Variants in CHD6 observed in about 807,000 individuals in gnomAD.
CHD6 encodes chromodomain helicase DNA binding protein 6.
A neutral mutation model predicts 276.9 loss-of-function variants in CHD6; 50 were observed. The ratio of observed to expected loss-of-function variants is 0.18; its 90% CI spans 0.14 to 0.23. CHD6 has a LOEUF of 0.23. CHD6 is among the 10% of genes least tolerant of loss of function. CHD6 has a pLI of 1.00. For missense variants in CHD6, 2,564 were observed against 3,365.8 expected (o/e 0.76, Z 5.89); for synonymous variants, 1,173 against 1,229.3 (o/e 0.95, Z 0.96).
intron 20 of CHD6, among the ~76,000 whole-genome samples, chr20:41,454,231 A>C (rs2048322889): frequency 6.6e-6 from 1 of 152,240 alleles, no homozygotes; most frequent in Non-Finnish European, 1.5e-5. Flanking sequence ...GAAAGAATGG[A>C]GGTAAAGCCA....
At chr20:41,442,238 C>A (rs1003766534) in intron 25 of CHD6, among the ~76,000 whole-genome samples, 5 of 151,576 alleles carry the variant, frequency 3.3e-5, no homozygotes, top group Admixed American at 1.3e-4. Context: ...TCCAGGAGTT[C>A]GAGCCCAGCC....
At chr20:41,618,174 G>C (rs1488622214) in intron 1 of CHD6, among the ~76,000 whole-genome samples, 166 bp downstream of exon 1, 2 of 150,774 alleles carry the variant, frequency 1.3e-5, no homozygotes, top group African/African-American at 4.8e-5. Context: ...CGCCGGCCCC[G>C]CTCGGACCCC....
chr20:41,514,550 T>A (rs1372138244), intron 4 of CHD6, among the ~76,000 whole-genome samples: 1 of 152,034 alleles, frequency 6.6e-6, no homozygotes, highest in Non-Finnish European at 1.5e-5. Flanking sequence ...CCACATCAAC[T>A]CCCTCTGCAG....
intron 2 of CHD6, chr20:41,547,684 C>G: frequency 1.4e-6 from 1 of 722,658 alleles, no homozygotes; most frequent in East Asian, 4.2e-5. Context: ...CTCAAGGAAC[C>G]ACCAATAGAC....
rs148375257 is a variant in CHD6 at position 41,446,905 on chromosome 20, C to A, written c.3773+977G>T. On this transcript the variant is annotated intron_variant, in intron 24 of 36. Transcript: ENST00000373233. ...ACCTATGACTTCCTACACATGACAG[C>A]GGTAAGTTCAGAGTACTTCTGCCAG... Among the ~76,000 whole-genome samples, 415 of 152,296 alleles carry A rather than the reference C, an allele frequency of 2.7e-3. 2 individuals carry two copies. The highest frequency in any genetic ancestry group is 0.024 in the Middle Eastern group (7 of 294).
Position 41,454,546 on chromosome 20 carries a change from T to G in CHD6, c.3120+80A>C, listed in dbSNP as rs540373004. 3 of 1,067,878 alleles carry G rather than the reference T, an allele frequency of 2.8e-6. No individual in the cohort carries two copies. In the East Asian group the frequency reaches 7.2e-5, roughly 26 times the overall value. 66.2% of individuals were successfully genotyped at this position (1,067,878 alleles called of 1,614,324 possible). A position where few individuals can be genotyped will look rare whatever the true frequency, so the allele number is the denominator to read the frequency against. ...AGAACCAAGACTCAAGAGTAAATAA[T>G]GACTTGAGCTGTGTAGGAATTTATT... On this transcript the variant is annotated intron_variant, in intron 20 of 36. Coordinates refer to ENST00000373233, the MANE Select transcript of CHD6 (RefSeq NM_032221.5).
intron 1 of CHD6, among the ~76,000 whole-genome samples, chr20:41,573,175 C>T (rs6072429): frequency 6.6e-6 from 1 of 152,168 alleles, no homozygotes; most frequent in African/African-American, 2.4e-5. Flanking sequence ...TCCCAAAGTG[C>T]TGGGATTACA....
At chr20:41,406,623 C>T (rs867035070) in intron 36 of CHD6, among the ~76,000 whole-genome samples, 3 of 152,334 alleles carry the variant, frequency 2.0e-5, no homozygotes, top group African/African-American at 2.4e-5. Context: ...ACTGCAATTA[C>T]GATGGATCTT....
chr20:41,487,713 T>C lies in CHD6; in HGVS notation c.1953A>G (p.Ser651=), dbSNP rs1422283167. 1.2e-6 allele frequency: 2 copies of C among 1,612,082 alleles called. No homozygotes were observed. The highest frequency in any genetic ancestry group is 4.5e-5 in the East Asian group (2 of 44,850). The change falls in exon 14 of 37, where the codon TCA becomes TCG. Residue 651 remains serine, a synonymous_variant. Coordinates refer to ENST00000373233, the MANE Select transcript of CHD6 (RefSeq NM_032221.5). The part of the protein sequence containing the change: ...LNFLEPSQFP[S]ETAFLEEFGD... Reference sequence around the variant, plus strand: ...CAAATTCCTCCAAGAAAGCGGTCTCTGAAGGAAACTGTGATGGCTCCAGAA... The same window carrying C: ...CAAATTCCTCCAAGAAAGCGGTCTCCGAAGGAAACTGTGATGGCTCCAGAA...
chr20:41,487,741 T>C lies in CHD6; in HGVS notation c.1925A>G (p.Asn642Ser), dbSNP rs1429047864. 8.7e-6 allele frequency: 14 copies of C among 1,611,764 alleles called. No individual in the cohort carries two copies. Among genetic ancestry groups the C allele is most frequent in the Non-Finnish European group, 1.1e-5 (13 of 1,179,446 alleles). The change falls in exon 14 of 37, where the codon AAT becomes AGT. Residue 642 changes from asparagine (N) to serine (S), a missense_variant. By Grantham distance (46) the Asn-to-Ser change is conservative. Transcript: ENST00000373233. ...AGGAAACTGTGATGGCTCCAGAAAA[T>C]TTAACAAACTGAAGAGCTCCTCCAC... Reference protein sequence around the residue: ...NSVEELFSLLNFLEPSQFPSE... With the variant: ...NSVEELFSLLSFLEPSQFPSE...
chr20:41,533,247 C>T lies in CHD6; in HGVS notation c.357G>A (p.Lys119=), dbSNP rs1305316133. ...KGSKDREPKP[K]RKREPKEPKE... The stretch of plus-strand genomic sequence containing the variant: ...TTGGCTCTTTCGGTTCTCGTTTCCT[C>T]TTTGGCTTGGGCTCTCTGTCCTTGC... The change falls in exon 3 of 37, where the codon AAG becomes AAA. Residue 119 remains lysine (K), a synonymous_variant. Transcript: ENST00000373233. The T allele has an allele frequency of 1.2e-6, 2 of 1,613,668 alleles. No individual in the cohort carries two copies. The highest frequency in any genetic ancestry group is 1.1e-5 in the South Asian group (1 of 91,036).
chr20:41,556,408 T>C (rs1220113657), intron 1 of CHD6, among the ~76,000 whole-genome samples: 1 of 148,990 alleles, frequency 6.7e-6, no homozygotes, highest in Non-Finnish European at 1.5e-5. Flanking sequence ...TCAGGCAATG[T>C]GCCACTAGAT....
chr20:41,468,108 C>CTTT (rs34106201), intron 17 of CHD6, among the ~76,000 whole-genome samples: 1 of 136,652 alleles, frequency 7.3e-6, no homozygotes, highest in African/African-American at 2.7e-5. Context: ...TCCTATCATT[C>CTTT]TTTTTTTTTT....
intron 27 of CHD6, among the ~76,000 whole-genome samples, chr20:41,434,439 T>A (rs2047642103): frequency 6.6e-6 from 1 of 152,168 alleles, no homozygotes; most frequent in Non-Finnish European, 1.5e-5. Flanking sequence ...GGCGTGATCA[T>A]GGCTCGCTGC....
intron 11 of CHD6, among the ~76,000 whole-genome samples, chr20:41,491,219 ACT>A (rs1491575492): frequency 6.6e-6 from 1 of 151,772 alleles, no homozygotes; most frequent in Non-Finnish European, 1.5e-5. Flanking sequence ...TTTTTAAAAA[ACT>A]TTTTGACTCT....
chr20:41,606,812 A>C (rs1379549430), intron 1 of CHD6, among the ~76,000 whole-genome samples: 1 of 152,152 alleles, frequency 6.6e-6, no homozygotes, highest in African/African-American at 2.4e-5. Flanking sequence ...TCAAAAATCC[A>C]ATATCTGGGC....
intron 1 of CHD6, among the ~76,000 whole-genome samples, chr20:41,608,244 A>C (rs987360495): frequency 6.6e-6 from 1 of 152,244 alleles, no homozygotes; most frequent in Non-Finnish European, 1.5e-5. Flanking sequence ...GATATGCCAA[A>C]AAGTTTCCAT....
chr20:41,434,861 T>C (rs949692037), intron 27 of CHD6, among the ~76,000 whole-genome samples: 1 of 152,324 alleles, frequency 6.6e-6, no homozygotes, highest in Non-Finnish European at 1.5e-5. Flanking sequence ...AACAACATCA[T>C]TGACCAACAG....
intron 17 of CHD6, among the ~76,000 whole-genome samples, chr20:41,461,017 C>A (rs2048530191): frequency 6.6e-6 from 1 of 152,184 alleles, no homozygotes; most frequent in Non-Finnish European, 1.5e-5. Flanking sequence ...GAATGAGAGA[C>A]CTGAAGTCAA....
Sources: gnomAD v4.1 joint callset for allele counts (sites outside exome capture counted in the v4.1 genomes callset) on GRCh38, gnomAD v4.1.1 for gene constraint, MANE v1.5 for transcripts, NCBI Gene and HGNC (gene_info 2026-07-23, HGNC 2026-07-21) for gene names.